SLC39A14: variants seen among roughly 807,000 people sequenced by gnomAD.
SLC39A14 encodes the protein metal cation symporter ZIP14.
SLC39A14 carries 19 observed loss-of-function variants against 45.5 expected under a neutral mutation model. The ratio of observed to expected loss-of-function variants is 0.42; its 90% CI spans 0.29 to 0.61. The LOEUF is 0.61. Ranked by LOEUF, SLC39A14 falls within the 20% of genes least tolerant of loss-of-function variation. SLC39A14 has a pLI of 0.22. For missense variants in SLC39A14, 447 were observed against 616.5 expected (o/e 0.73, Z 2.91); for synonymous variants, 264 against 251.3 (o/e 1.05, Z -0.48).
At chr8:22,410,021 C>T in intron 3 of SLC39A14, 2 of 1,614,168 alleles carry the variant, frequency 1.2e-6, no homozygotes, top group Non-Finnish European at 1.7e-6. Context: ...CTGCCCTGCA[C>T]AGAGAAAGCG....
chr8:22,387,658 T>C (rs1833861494), intron 1 of SLC39A14, among the ~76,000 whole-genome samples: 1 of 152,222 alleles, frequency 6.6e-6, no homozygotes, highest in African/African-American at 2.4e-5. Context: ...TGTTGGATCG[T>C]CTGGCCCTGA....
chr8:22,382,136 T>A (rs112245619), intron 1 of SLC39A14, among the ~76,000 whole-genome samples: 4,585 of 152,036 alleles, frequency 0.03, 218 homozygotes, highest in African/African-American at 0.1. Flanking sequence ...AGTGAGACTC[T>A]GTCTCAAAAA....
chr8:22,421,461 A>G lies in SLC39A14; in HGVS notation c.*1763A>G, dbSNP rs1836224460. 1.0e-6 allele frequency: 1 copy of G among 984,822 alleles called. No homozygotes were observed. Among genetic ancestry groups the G allele is most frequent in the African/African-American group, 1.8e-5 (1 of 57,116 alleles). The allele number at this position is 984,822 out of a possible 1,614,324, so 61.0% of individuals were successfully genotyped here. ...TGAAGAGGGAAAATTTCAGTGATGG[A>G]GATTCTAGATTAAATATCAGGACTG... On this transcript the variant is annotated 3_prime_UTR_variant, in exon 9 of 9. Transcript: ENST00000381237.
chr8:22,377,674 G>C (rs1220739882), intron 1 of SLC39A14, among the ~76,000 whole-genome samples: 2 of 152,196 alleles, frequency 1.3e-5, no homozygotes, highest in Non-Finnish European at 2.9e-5. Context: ...TAGTTGGGGT[G>C]AAGGTTATTT....
chr8:22,383,008 G>A (rs118143604), intron 1 of SLC39A14, among the ~76,000 whole-genome samples: 2 of 151,958 alleles, frequency 1.3e-5, no homozygotes, highest in Non-Finnish European at 2.9e-5. Flanking sequence ...GTGAGTCACC[G>A]CGGCCGGTGG....
intron 1 of SLC39A14, among the ~76,000 whole-genome samples, chr8:22,401,539 C>CTTTCT (rs1428977118): frequency 8.6e-6 from 1 of 115,716 alleles, no homozygotes; most frequent in Non-Finnish European, 1.8e-5. Context: ...TTTCTCTTCT[C>CTTTCT]TTTCTTTTTT....
At position 22,394,010 on chromosome 8, in the gene SLC39A14, GTT is replaced by G. The variant is rs35225179; in HGVS notation, c.-15-10672_-15-10671del. Among the ~76,000 whole-genome samples the G allele has an allele frequency of 4.1e-4, 57 of 138,146 alleles. No individual in the cohort carries two copies. The South Asian group carries it at 4.9e-3, about 12-fold the overall frequency. The allele number at this position is 138,146 out of a possible 152,430, so 90.6% of individuals were successfully genotyped here. On this transcript the variant is annotated intron_variant, in intron 1 of 8. Transcript: ENST00000381237. ...TTTATTATTTCTTATCTGAAGGGGTGTTTTTTTTTTTTTTTGAGACAGAGTCT... is the reference window on the plus strand; with the variant it reads ...TTTATTATTTCTTATCTGAAGGGGTGTTTTTTTTTTTTTGAGACAGAGTCT...
chr8:22,373,142 A>G (rs1312384100), intron 1 of SLC39A14, among the ~76,000 whole-genome samples: 3 of 152,106 alleles, frequency 2.0e-5, no homozygotes, highest in Non-Finnish European at 4.4e-5. Context: ...GCACGCCTGT[A>G]GTCCCAGCTA....
At chr8:22,427,994 G>A (rs28654113) in intron 8 of SLC39A14, among the ~76,000 whole-genome samples, 53,192 of 151,846 alleles carry the variant, frequency 0.35, 9,877 homozygotes, top group East Asian at 0.6. Context: ...AGTGAGACCT[G>A]TCTCTATAAA....
chr8:22,387,836 G>T (rs538257114), intron 1 of SLC39A14, among the ~76,000 whole-genome samples: 1 of 152,164 alleles, frequency 6.6e-6, no homozygotes, highest in African/African-American at 2.4e-5. Flanking sequence ...ATTGGCTCAC[G>T]CCTGTAATCC....
chr8:22,391,640 G>A (rs1013977957), intron 1 of SLC39A14, among the ~76,000 whole-genome samples: 9 of 151,512 alleles, frequency 5.9e-5, no homozygotes, highest in Admixed American at 1.3e-4. Flanking sequence ...GCGCGATCTC[G>A]GCTCACTGCA....
At position 22,383,081 on chromosome 8, in the gene SLC39A14, G is replaced by T. The variant is rs1254517139; in HGVS notation, c.-16+15673G>T. The stretch of plus-strand genomic sequence containing the variant: ...TCCATGCAGGTCTTCTGCTGGCTTT[G>T]GTGGAAAGCTGGGTGTGGTATGGTA... On this transcript the variant is annotated intron_variant, in intron 1 of 8. Coordinates refer to ENST00000381237, the MANE Select transcript of SLC39A14 (RefSeq NM_001128431.4). Among the ~76,000 whole-genome samples the T allele has an allele frequency of 3.9e-5, 6 of 152,100 alleles. No homozygotes were observed. The East Asian group carries it at 1.2e-3, about 29-fold the overall frequency.
chr8:22,420,767 A>G lies in SLC39A14; in HGVS notation c.*1069A>G. The stretch of plus-strand genomic sequence containing the variant: ...TGCCGCTTCCATAAATCAAAGCATG[A>G]CTAATAGGGGGTCTCTGAAATGTAA... On this transcript the variant is annotated 3_prime_UTR_variant, in exon 9 of 9. Coordinates refer to ENST00000381237, the MANE Select transcript of SLC39A14 (RefSeq NM_001128431.4). 1 of 985,394 alleles carries G rather than the reference A, an allele frequency of 1.0e-6. No homozygotes were observed. Among genetic ancestry groups the G allele is most frequent in the Non-Finnish European group, 1.2e-6 (1 of 829,926 alleles). 61.0% of individuals were successfully genotyped at this position (985,394 alleles called of 1,614,324 possible). A position where few individuals can be genotyped will look rare whatever the true frequency, so the allele number is the denominator to read the frequency against.
At chr8:22,423,340 GTTTTT>G (rs61108660), downstream of SLC39A14, among the ~76,000 whole-genome samples, 1 of 135,858 alleles carries the variant, frequency 7.4e-6, no homozygotes. Flanking sequence ...TTGTTGTTTT[GTTTTT>G]TTTTTTTTGA....
intron 1 of SLC39A14, chr8:22,398,756 G>A: frequency 1.0e-6 from 1 of 985,256 alleles, no homozygotes; most frequent in Non-Finnish European, 1.2e-6. Context: ...CAGAAGTGCC[G>A]CTTCTAGGCA....
intron 1 of SLC39A14, among the ~76,000 whole-genome samples, chr8:22,399,858 T>C (rs1022751314): frequency 1.3e-5 from 2 of 152,146 alleles, no homozygotes; most frequent in Non-Finnish European, 2.9e-5. Flanking sequence ...CCTGAAGTCT[T>C]TTGGGGTTTG....
intron 7 of SLC39A14, 27 bp downstream of exon 7, chr8:22,416,307 G>A (rs1221768346): frequency 1.2e-6 from 2 of 1,603,176 alleles, no homozygotes; most frequent in African/African-American, 1.3e-5. Flanking sequence ...CGTTCCACTG[G>A]TGCTCCCTTG....
chr8:22,425,968 C>T (rs998188675), downstream of SLC39A14, among the ~76,000 whole-genome samples: 26 of 150,966 alleles, frequency 1.7e-4, no homozygotes, highest in African/African-American at 3.9e-4. Flanking sequence ...CTCGGCTCAC[C>T]GCAACCTCCA....
At position 22,420,096 on chromosome 8, in the gene SLC39A14, G is replaced by A. The variant is rs1438949094; in HGVS notation, c.*398G>A. ...TATAACTTGGCTAGAAATATCAAGA[G>A]TTGAATCCATAGTGTGGGGCCCATG... is the stretch of plus-strand genomic sequence containing the variant. On this transcript the variant is annotated 3_prime_UTR_variant, in exon 9 of 9. Coordinates refer to ENST00000381237, the MANE Select transcript of SLC39A14 (RefSeq NM_001128431.4). 1.0e-6 allele frequency: 1 copy of A among 991,668 alleles called. No homozygotes were observed. The highest frequency in any genetic ancestry group is 1.2e-6 in the Non-Finnish European group (1 of 834,118). 61.4% of individuals were successfully genotyped at this position (991,668 alleles called of 1,614,324 possible). A position where few individuals can be genotyped will look rare whatever the true frequency, so the allele number is the denominator to read the frequency against.
Sources: allele counts gnomAD v4.1 joint callset (sites outside exome capture counted in the v4.1 genomes callset), GRCh38; gene constraint gnomAD v4.1.1; transcripts MANE v1.5; gene names NCBI Gene and HGNC (gene_info 2026-07-23, HGNC 2026-07-21).